MGAT4C: variants seen among roughly 807,000 people sequenced by gnomAD.
MGAT4C encodes the protein alpha-1,3-mannosyl-glycoprotein 4-beta-N-acetylglucosaminyltransferase C.
In MGAT4C, 19 loss-of-function variants were observed where a neutral mutation model predicts 40.1. The ratio of observed to expected loss-of-function variants is 0.47; its 90% CI spans 0.33 to 0.70. The LOEUF (loss-of-function observed/expected upper bound fraction) is 0.70, where lower values mean the gene tolerates loss of function less well. Among genes scored for constraint, MGAT4C ranks in the 30% least tolerant of loss-of-function variants. The pLI, the probability that MGAT4C is intolerant of heterozygous loss-of-function variation, is 0.02. For synonymous variants in MGAT4C, 181 were observed against 187.1 expected (o/e 0.97, Z 0.27); for missense variants, 491 against 563.2 (o/e 0.87, Z 1.30).
At chr12:86,627,791 C>CGTT in intron 2 of MGAT4C, among the ~76,000 whole-genome samples, 1 of 150,906 alleles carries the variant, frequency 6.6e-6, no homozygotes, top group Non-Finnish European at 1.5e-5. Flanking sequence ...TGGGGAGAAA[C>CGTT]AAGAGCAGAA....
chr12:86,454,261 C>T (rs921889321), intron 2 of MGAT4C, among the ~76,000 whole-genome samples: 12 of 151,702 alleles, frequency 7.9e-5, no homozygotes, highest in Admixed American at 2.6e-4. Context: ...AGGGTCTCAC[C>T]CTGTTGTCCA....
chr12:86,513,397 T>C (rs1252118188), intron 2 of MGAT4C, among the ~76,000 whole-genome samples: 1 of 152,146 alleles, frequency 6.6e-6, no homozygotes, highest in Non-Finnish European at 1.5e-5. Flanking sequence ...CATGTCTGAA[T>C]GGTTCCAGAT....
rs116926000 is a variant in MGAT4C, at chr12:86,788,084, T to G, written c.-262+50582A>C. 2.4e-3 allele frequency among the ~76,000 whole-genome samples: 360 copies of G among 151,890 alleles called. 1 individual carries two copies. Among genetic ancestry groups the G allele is most frequent in the Non-Finnish European group, 4.2e-3 (282 of 67,920 alleles). ...CTCTTCTTTTCAGTTTTCATTTTCATGTATGTATTTACTTATATATATATT... is the reference window on the plus strand; with the variant it reads ...CTCTTCTTTTCAGTTTTCATTTTCAGGTATGTATTTACTTATATATATATT... On this transcript the variant is annotated intron_variant, in intron 1 of 7. Transcript: ENST00000548651.
chr12:86,450,971 G>T (rs1387035304), intron 2 of MGAT4C, among the ~76,000 whole-genome samples: 6 of 151,906 alleles, frequency 3.9e-5, no homozygotes, highest in African/African-American at 1.5e-4. Context: ...TGTTATTTTT[G>T]TCATATATCT....
intron 2 of MGAT4C, among the ~76,000 whole-genome samples, chr12:86,042,867 CAA>C (rs140809256): frequency 0.13 from 13,509 of 107,760 alleles, 889 homozygotes; most frequent in African/African-American, 0.27. Flanking sequence ...GACTCTGTCT[CAA>C]AAAAAAAAAA....
In MGAT4C at chr12:86,441,319, CAACT is replaced by C. The variant is rs993842357; in HGVS notation, c.-228-6058_-228-6055del. 8.0e-5 allele frequency among the ~76,000 whole-genome samples: 12 copies of C among 149,792 alleles called. No homozygotes were observed. The East Asian group carries it at 9.8e-4, about 12-fold the overall frequency. ...AATTCAGAGATAAAGCCAAATCAACCAACTGATTTTTTTTATTATTATTTTTATT... is the reference window on the plus strand; with the variant it reads ...AATTCAGAGATAAAGCCAAATCAACCGATTTTTTTTATTATTATTTTTATT... On this transcript the variant is annotated intron_variant, in intron 2 of 7. Transcript: ENST00000548651.
At chr12:86,036,062 C>G (rs1178619379) in intron 2 of MGAT4C, among the ~76,000 whole-genome samples, 1 of 149,826 alleles carries the variant, frequency 6.7e-6, no homozygotes, top group Non-Finnish European at 1.5e-5. Flanking sequence ...TATGCAGACT[C>G]TTTTTTGGTT....
At chr12:86,835,097 A>C (rs1202858902) in intron 1 of MGAT4C, among the ~76,000 whole-genome samples, 1 of 149,706 alleles carries the variant, frequency 6.7e-6, no homozygotes, top group Non-Finnish European at 1.5e-5. Context: ...ATATCAATAC[A>C]AAAAGTAAAG....
chr12:86,803,611 G>T (rs1475311340), intron 1 of MGAT4C, among the ~76,000 whole-genome samples: 1 of 149,494 alleles, frequency 6.7e-6, no homozygotes, highest in East Asian at 2.0e-4. Context: ...CGAAGGACAT[G>T]AACAGACACT....
chr12:86,354,035 C>T (rs61950740), intron 3 of MGAT4C, among the ~76,000 whole-genome samples: 12,907 of 152,132 alleles, frequency 0.085, 764 homozygotes, highest in Middle Eastern at 0.22. Flanking sequence ...TGGAACTGAA[C>T]CAACACATGA....
chr12:86,600,241 G>A (rs991719536), intron 2 of MGAT4C, among the ~76,000 whole-genome samples: 3 of 152,192 alleles, frequency 2.0e-5, no homozygotes, highest in African/African-American at 7.2e-5. Flanking sequence ...AAGTTGGTCA[G>A]TTGTGAAAAA....
Position 85,958,202 on chromosome 12 carries a change from GC to G in MGAT4C, c.*21086del, listed in dbSNP as rs1882918940. ...TTATCCTGCCTCGGCCGCCTGAGTA[GC>G]TAGGACCACAGGCGTGCTCTACCAC... is the stretch of plus-strand genomic sequence containing the variant. On this transcript the variant is annotated 3_prime_UTR_variant, in exon 5 of 5. Coordinates refer to ENST00000611864, the MANE Select transcript of MGAT4C (RefSeq NM_001351288.2). 1 of 152,102 alleles carries G rather than the reference GC, an allele frequency of 6.6e-6. No individual in the cohort carries two copies. The highest frequency in any genetic ancestry group is 2.4e-5 in the African/African-American group (1 of 41,404). 9.4% of individuals were successfully genotyped at this position (152,102 alleles called of 1,614,324 possible).
intron 2 of MGAT4C, among the ~76,000 whole-genome samples, chr12:86,709,932 G>A (rs1386419021): frequency 1.3e-5 from 2 of 152,112 alleles, no homozygotes; most frequent in Non-Finnish European, 2.9e-5. Context: ...TGTTCTTCGA[G>A]TTGAGGCCAG....
intron 1 of MGAT4C, among the ~76,000 whole-genome samples, chr12:86,065,699 G>T (rs2137018488): frequency 6.6e-6 from 1 of 152,292 alleles, no homozygotes; most frequent in Non-Finnish European, 1.5e-5. Context: ...AGTATTGGAA[G>T]TTCTTGTCAG....
intron 1 of MGAT4C, among the ~76,000 whole-genome samples, chr12:86,739,781 C>T (rs1254076037): frequency 1.3e-5 from 2 of 150,656 alleles, no homozygotes; most frequent in African/African-American, 4.9e-5. Context: ...GAACAAATCC[C>T]CCTTGGATAC....
At chr12:86,271,020 A>G (rs1333105699) in intron 4 of MGAT4C, among the ~76,000 whole-genome samples, 7 of 152,212 alleles carry the variant, frequency 4.6e-5, no homozygotes, top group Non-Finnish European at 7.3e-5. Context: ...TTAACTTACA[A>G]CAAATTAAAG....
At chr12:86,637,862 TCTAA>T (rs1169284993) in intron 2 of MGAT4C, among the ~76,000 whole-genome samples, 1 of 151,930 alleles carries the variant, frequency 6.6e-6, no homozygotes, top group Non-Finnish European at 1.5e-5. Flanking sequence ...TCATATTTCC[TCTAA>T]CTATATCATG....
At chr12:86,070,319 T>C (rs1894961654) in intron 1 of MGAT4C, among the ~76,000 whole-genome samples, 1 of 152,128 alleles carries the variant, frequency 6.6e-6, no homozygotes, top group Admixed American at 6.6e-5. Flanking sequence ...ACTTACTTAT[T>C]TTCTGTCTTC....
intron 1 of MGAT4C, among the ~76,000 whole-genome samples, chr12:86,124,617 A>G (rs1879958045): frequency 6.6e-6 from 1 of 151,944 alleles, no homozygotes; most frequent in African/African-American, 2.4e-5. Flanking sequence ...GCTGAAAATG[A>G]CTATAATCAT....
Sources: allele counts gnomAD v4.1 joint callset (sites outside exome capture counted in the v4.1 genomes callset), GRCh38; gene constraint gnomAD v4.1.1; transcripts MANE v1.5; gene names NCBI Gene and HGNC (gene_info 2026-07-23, HGNC 2026-07-21).